The following PDIA3 variants were observed in gnomAD, a reference collection of about 807,000 sequenced individuals.
PDIA3 encodes the protein protein disulfide-isomerase A3.
In PDIA3, 16 loss-of-function variants were observed where a neutral mutation model predicts 56.9. The observed-to-expected ratio is 0.28, with a 90% CI of 0.19 to 0.43. The LOEUF (loss-of-function observed/expected upper bound fraction) is 0.43, where lower values mean the gene tolerates loss of function less well. Ranked by LOEUF, PDIA3 falls within the 20% of genes least tolerant of loss-of-function variation. PDIA3 has a pLI of 1.00. For missense variants in PDIA3, 485 were observed against 621.3 expected (o/e 0.78, Z 2.33); for synonymous variants, 192 against 216.5 (o/e 0.89, Z 0.99).
In PDIA3 at chr15:43,771,783, A is replaced by G. The variant is rs1050045185; in HGVS notation, c.*565A>G. 4 of 397,132 alleles carry G rather than the reference A, an allele frequency of 1.0e-5. No individual in the cohort carries two copies. Among genetic ancestry groups the G allele is most frequent in the African/African-American group, 2.1e-5 (1 of 48,594 alleles). 24.6% of individuals were successfully genotyped at this position (397,132 alleles called of 1,614,324 possible). A position where few individuals can be genotyped will look rare whatever the true frequency, so the allele number is the denominator to read the frequency against. On this transcript the variant is annotated 3_prime_UTR_variant, in exon 13 of 13. Transcript: ENST00000300289. ...ACTGGGTCCATAGTTCATCACCTCA[A>G]AATTCTTTCAAAATTTATTATCTCT...
chr15:43,770,058 C>T (rs1485771957), intron 10 of PDIA3, among the ~76,000 whole-genome samples, 192 bp from the exon 11 acceptor site: 1 of 152,192 alleles, frequency 6.6e-6, no homozygotes, highest in Non-Finnish European at 1.5e-5. Context: ...TGAGGTACTA[C>T]CATCTGCAAA....
In PDIA3 at chr15:43,746,453, A is replaced by G. The variant is rs1024483463; in HGVS notation, c.-87A>G. 5 of 1,291,872 alleles carry G rather than the reference A, an allele frequency of 3.9e-6. No individual in the cohort carries two copies. Among genetic ancestry groups the G allele is most frequent in the East Asian group, 2.9e-5 (1 of 34,064 alleles). The allele number at this position is 1,291,872 out of a possible 1,614,324, so 80.0% of individuals were successfully genotyped here. On this transcript the variant is annotated 5_prime_UTR_variant, in exon 1 of 13. Transcript: ENST00000300289. ...CGCCTGGGCCAGACGCGCGAGCGCA[A>G]GCAGCGGGTTAGTGGTCGCGCGCCC...
chr15:43,751,579 C>T (rs768698191), intron 1 of PDIA3: 1 of 1,303,810 alleles, frequency 7.7e-7, no homozygotes, highest in South Asian at 1.2e-5. Context: ...TAAATACCAC[C>T]TGAGTTCCAT....
At chr15:43,761,360 A>G (rs2086814866) in intron 3 of PDIA3, 64 bp from the exon 4 acceptor site, 3 of 861,866 alleles carry the variant, frequency 3.5e-6, no homozygotes, top group East Asian at 4.9e-5. Flanking sequence ...TGAATGATGA[A>G]TAATTGCCTT....
chr15:43,753,454 A>G (rs1248540093), intron 1 of PDIA3, among the ~76,000 whole-genome samples: 2 of 152,188 alleles, frequency 1.3e-5, no homozygotes, highest in African/African-American at 4.8e-5. Context: ...GATTATTTCT[A>G]TTTTGTCCTT....
intron 1 of PDIA3, 112 bp from the exon 2 acceptor site, chr15:43,753,712 A>G (rs2141645847): frequency 1.4e-6 from 1 of 739,748 alleles, no homozygotes; most frequent in Non-Finnish European, 2.3e-6. Flanking sequence ...GCTTTTTGGA[A>G]GTGTCTACTA....
chr15:43,768,841 G>A (rs1158265971), intron 9 of PDIA3, among the ~76,000 whole-genome samples: 1 of 152,054 alleles, frequency 6.6e-6, no homozygotes, highest in African/African-American at 2.4e-5. Flanking sequence ...GCCCAACATG[G>A]TGAAACCCCG....
chr15:43,760,620 C>T (rs2086808891), intron 3 of PDIA3, among the ~76,000 whole-genome samples: 3 of 151,266 alleles, frequency 2.0e-5, no homozygotes, highest in Admixed American at 2.0e-4. Context: ...GCTCCGCCTC[C>T]CGGGTTCACA....
Position 43,766,773 on chromosome 15 carries a change from C to T in PDIA3, c.891C>T (p.Leu297=). The part of the protein sequence containing the change: ...AKKFLDAGHK[L]NFAVASRKTF... ...AATTCCTGGATGCTGGGCACAAACT[C>T]AACTTTGCTGTAGCTAGCCGCAAAA... Residue 297 remains leucine, a synonymous_variant, in exon 8 of 13, where the codon CTC becomes CTT. Coordinates refer to ENST00000300289, the MANE Select transcript of PDIA3 (RefSeq NM_005313.5). 6.2e-7 allele frequency: 1 copy of T among 1,613,978 alleles called. No homozygotes were observed. The highest frequency in any genetic ancestry group is 8.5e-7 in the Non-Finnish European group (1 of 1,179,886).
At chr15:43,746,779 G>A in intron 1 of PDIA3, 73 bp downstream of exon 1, 1 of 1,517,082 alleles carries the variant, frequency 6.6e-7, no homozygotes, top group Non-Finnish European at 9.1e-7. Flanking sequence ...GGAACTGTTG[G>A]GCCTACGCAG....
Position 43,768,710 on chromosome 15 carries a change from T to G in PDIA3, c.1137+113T>G, listed in dbSNP as rs1159431767. Reference sequence around the variant, plus strand: ...CGTTGGCCATCTCTTTTTTTTTTTGTCCTTACTCCCGAGTCATAAAATAAG... The same window carrying G: ...CGTTGGCCATCTCTTTTTTTTTTTGGCCTTACTCCCGAGTCATAAAATAAG... On this transcript the variant is annotated intron_variant, in intron 9 of 12. Transcript: ENST00000300289. 5.8e-6 allele frequency: 4 copies of G among 692,978 alleles called. No individual in the cohort carries two copies. The African/African-American group carries it at 7.1e-5, about 12-fold the overall frequency. The allele number at this position is 692,978 out of a possible 1,614,324, so 42.9% of individuals were successfully genotyped here. A position where few individuals can be genotyped will look rare whatever the true frequency, so the allele number is the denominator to read the frequency against.
At chr15:43,769,142 A>C (rs2086866350) in intron 9 of PDIA3, among the ~76,000 whole-genome samples, 1 of 152,182 alleles carries the variant, frequency 6.6e-6, no homozygotes, top group Admixed American at 6.5e-5. Context: ...AGGATAGAGC[A>C]ACCCCTAAGA....
chr15:43,760,090 C>A (rs1251995546), intron 3 of PDIA3, among the ~76,000 whole-genome samples: 1 of 150,870 alleles, frequency 6.6e-6, no homozygotes, highest in Admixed American at 6.6e-5. Flanking sequence ...AGTGAAACTC[C>A]ATCTCAAACA....
At chr15:43,759,918 T>C (rs1031621275) in intron 3 of PDIA3, among the ~76,000 whole-genome samples, 2 of 152,024 alleles carry the variant, frequency 1.3e-5, no homozygotes, top group Non-Finnish European at 2.9e-5. Context: ...TGAAACCCCG[T>C]CTGTACTAAA....
At chr15:43,769,418 G>A in intron 9 of PDIA3, 100 bp from the exon 10 acceptor site, 1 of 1,116,962 alleles carries the variant, frequency 9.0e-7, no homozygotes, top group Non-Finnish European at 1.3e-6. Context: ...TATTTTCTGT[G>A]GTAACACATC....
In PDIA3 at chr15:43,771,723, G is replaced by A; in HGVS notation, c.*505G>A. On this transcript the variant is annotated 3_prime_UTR_variant, in exon 13 of 13. Transcript: ENST00000300289. Reference sequence around the variant, plus strand: ...TTTGATTAATTTAAATAGCCATACAGTTGCTACCATACTGGTCACGGCAGC... The same window carrying A: ...TTTGATTAATTTAAATAGCCATACAATTGCTACCATACTGGTCACGGCAGC... 2.5e-6 allele frequency: 1 copy of A among 398,424 alleles called. No homozygotes were observed. The highest frequency in any genetic ancestry group is 4.4e-6 in the Non-Finnish European group (1 of 226,456). 24.7% of individuals were successfully genotyped at this position (398,424 alleles called of 1,614,324 possible).
At chr15:43,746,770 G>C in intron 1 of PDIA3, 64 bp downstream of exon 1, 1 of 1,558,070 alleles carries the variant, frequency 6.4e-7, no homozygotes, top group South Asian at 1.1e-5. Flanking sequence ...AGAGCGCGGG[G>C]AACTGTTGGG....
Position 43,772,206 on chromosome 15 carries a change from A to G in PDIA3, c.*988A>G, listed in dbSNP as rs896249570. On this transcript the variant is annotated 3_prime_UTR_variant, in exon 13 of 13. Transcript: ENST00000300289. ...AGACTGAAGAGTGATCTTTTGTCCA[A>G]CTAAACCATTTATCTCCTTTTGTAG... 1 of 152,274 alleles carries G rather than the reference A, an allele frequency of 6.6e-6. No individual in the cohort carries two copies. 9.4% of individuals were successfully genotyped at this position (152,274 alleles called of 1,614,324 possible).
intron 3 of PDIA3, among the ~76,000 whole-genome samples, chr15:43,761,101 G>C (rs2086812363): frequency 6.6e-6 from 1 of 151,858 alleles, no homozygotes; most frequent in East Asian, 2.0e-4. Flanking sequence ...AAGTAGCCGG[G>C]CATGGTGGTG....
Sources: allele counts gnomAD v4.1 joint callset (sites outside exome capture counted in the v4.1 genomes callset), GRCh38; gene constraint gnomAD v4.1.1; transcripts MANE v1.5; gene names NCBI Gene and HGNC (gene_info 2026-07-23, HGNC 2026-07-21).